RBFOX1: variants seen among roughly 807,000 people sequenced by gnomAD.
The protein encoded by RBFOX1 is RNA binding fox-1 homolog 1.
Under a neutral mutation model 57.7 loss-of-function variants are expected in RBFOX1, and 8 were observed. The observed-to-expected ratio is 0.14, with a 90% CI of 0.08 to 0.25. The LOEUF is 0.25. Ranked by LOEUF, RBFOX1 falls within the 10% of genes least tolerant of loss-of-function variation. RBFOX1 has a pLI of 1.00. For missense variants in RBFOX1, 611 were observed against 548.5 expected, an observed-to-expected ratio of 1.11 and a Z score of -1.14; for synonymous variants, 326 against 222.4, an observed-to-expected ratio of 1.47 and a Z score of -4.15.
intron 2 of RBFOX1, among the ~76,000 whole-genome samples, chr16:6,590,588 C>G (rs751403790): frequency 3.9e-5 from 6 of 152,168 alleles, no homozygotes; most frequent in South Asian, 4.1e-4. Flanking sequence ...GATTATTTCA[C>G]AAAGCAGTTC....
At chr16:5,717,334 T>C (rs1320696515) in intron 3 of RBFOX1, among the ~76,000 whole-genome samples, 1 of 152,172 alleles carries the variant, frequency 6.6e-6, no homozygotes, top group Non-Finnish European at 1.5e-5. Context: ...CTATCTTTTT[T>C]TCTTAATACA....
intron 3 of RBFOX1, among the ~76,000 whole-genome samples, chr16:6,798,723 C>G (rs2084675853): frequency 6.6e-6 from 1 of 152,028 alleles, no homozygotes; most frequent in Non-Finnish European, 1.5e-5. Context: ...TTTATACACC[C>G]AAGATAATGA....
intron 1 of RBFOX1, among the ~76,000 whole-genome samples, chr16:6,030,147 T>G (rs910112230): frequency 3.3e-5 from 5 of 152,158 alleles, no homozygotes; most frequent in South Asian, 2.1e-4. Context: ...AGGCTGGTCT[T>G]GAACTCCTGG....
intron 1 of RBFOX1, among the ~76,000 whole-genome samples, chr16:6,123,404 A>T (rs996276020): frequency 6.6e-6 from 1 of 152,236 alleles, no homozygotes; most frequent in African/African-American, 2.4e-5. Context: ...AACCAGATAT[A>T]AAGGGACAAA....
chr16:6,364,046 G>C (rs1258310288), intron 2 of RBFOX1, among the ~76,000 whole-genome samples: 1 of 152,168 alleles, frequency 6.6e-6, no homozygotes, highest in Admixed American at 6.5e-5. Context: ...CCTGTATTTT[G>C]CATTTGAACA....
At chr16:6,239,353 A>G (rs988427943) in intron 1 of RBFOX1, among the ~76,000 whole-genome samples, 2 of 152,062 alleles carry the variant, frequency 1.3e-5, no homozygotes, top group African/African-American at 4.8e-5. Context: ...TGTCCAAGGG[A>G]GAGTATATGG....
At chr16:5,959,874 C>T (rs1001089265) in intron 4 of RBFOX1, among the ~76,000 whole-genome samples, 3 of 152,132 alleles carry the variant, frequency 2.0e-5, no homozygotes, top group Non-Finnish European at 4.4e-5. Flanking sequence ...CCCTCTCTCT[C>T]CCCATCCAGC....
intron 4 of RBFOX1, among the ~76,000 whole-genome samples, chr16:7,216,827 T>C (rs2092128647): frequency 6.6e-6 from 1 of 152,192 alleles, no homozygotes; most frequent in East Asian, 1.9e-4. Flanking sequence ...TTTTCACAAA[T>C]ATGTATTTAC....
intron 2 of RBFOX1, among the ~76,000 whole-genome samples, chr16:6,435,602 C>T (rs775750159): frequency 2.0e-5 from 3 of 152,108 alleles, no homozygotes; most frequent in Non-Finnish European, 4.4e-5. Flanking sequence ...CCATGCCTGG[C>T]CAGTATTCGT....
intron 3 of RBFOX1, among the ~76,000 whole-genome samples, chr16:6,788,398 GTC>G (rs1409899186): frequency 1.3e-5 from 2 of 151,678 alleles, no homozygotes; most frequent in Non-Finnish European, 2.9e-5. Flanking sequence ...AATTATTATC[GTC>G]TCTCTGAAAA....
At chr16:6,950,721 T>C (rs1282581086) in intron 3 of RBFOX1, among the ~76,000 whole-genome samples, 3 of 152,122 alleles carry the variant, frequency 2.0e-5, no homozygotes, top group Non-Finnish European at 4.4e-5. Flanking sequence ...AGAACAATGC[T>C]GGGAAAGGGA....
chr16:7,695,378 G>A (rs2078465861), intron 14 of RBFOX1, among the ~76,000 whole-genome samples: 1 of 141,602 alleles, frequency 7.1e-6, no homozygotes, highest in Non-Finnish European at 1.5e-5. Context: ...GCCTTCTAGG[G>A]CATCATCTCC....
At chr16:7,479,229 C>G (rs576009826) in intron 4 of RBFOX1, among the ~76,000 whole-genome samples, 3 of 151,388 alleles carry the variant, frequency 2.0e-5, no homozygotes, top group Non-Finnish European at 2.9e-5. Flanking sequence ...GTTGAGGCAA[C>G]TCTCCTGCCT....
chr16:6,186,199 C>T (rs2097104100), intron 1 of RBFOX1, among the ~76,000 whole-genome samples: 1 of 152,136 alleles, frequency 6.6e-6, no homozygotes, highest in African/African-American at 2.4e-5. Flanking sequence ...TTTTTAACTC[C>T]TGGGTTCGTC....
At chr16:6,621,518 G>A (rs929599978) in intron 2 of RBFOX1, among the ~76,000 whole-genome samples, 2 of 152,140 alleles carry the variant, frequency 1.3e-5, no homozygotes, top group African/African-American at 4.8e-5. Flanking sequence ...GTGTCAGGCT[G>A]TACCCTAAAT....
At chr16:5,360,034 G>A (rs913870820) in intron 1 of RBFOX1, among the ~76,000 whole-genome samples, 8 of 152,200 alleles carry the variant, frequency 5.3e-5, no homozygotes, top group Admixed American at 3.3e-4. Flanking sequence ...CCTCTCATGA[G>A]CATTTGCTTG....
intron 2 of RBFOX1, among the ~76,000 whole-genome samples, chr16:6,408,278 A>G (rs9924269): frequency 0.66 from 100,147 of 152,016 alleles, 33,691 homozygotes; most frequent in African/African-American, 0.81. Context: ...GTTTGAGCTT[A>G]ATAAAAAGTT....
intron 3 of RBFOX1, among the ~76,000 whole-genome samples, chr16:6,944,432 G>C (rs1483940214): frequency 6.7e-6 from 1 of 149,430 alleles, no homozygotes; most frequent in South Asian, 2.1e-4. Flanking sequence ...AAAGAAAAAA[G>C]AAGACCACAC....
At chr16:5,966,769 G>A (rs975059982) in intron 4 of RBFOX1, among the ~76,000 whole-genome samples, 6 of 151,978 alleles carry the variant, frequency 3.9e-5, no homozygotes, top group African/African-American at 1.4e-4. Flanking sequence ...CACTCCACCA[G>A]CCCCCACCCT....
Sources: allele counts gnomAD v4.1 joint callset (sites outside exome capture counted in the v4.1 genomes callset), GRCh38; gene constraint gnomAD v4.1.1; transcripts MANE v1.5; gene names NCBI Gene and HGNC (gene_info 2026-07-23, HGNC 2026-07-21).